RYR3: variants seen among roughly 807,000 people sequenced by gnomAD.
RYR3 encodes the protein brain ryanodine receptor-calcium release channel.
Under a neutral mutation model 584.3 loss-of-function variants are expected in RYR3, and 207 were observed. That is an observed-to-expected ratio of 0.35 (90% CI 0.32 to 0.40). The LOEUF is 0.40. RYR3 is among the 10% of genes least tolerant of loss of function. The pLI, the probability that RYR3 is intolerant of heterozygous loss-of-function variation, is 1.00. For missense variants in RYR3, 5,616 were observed against 6,089.2 expected, an observed-to-expected ratio of 0.92 and a Z score of 2.59; for synonymous variants, 2,416 against 2,248.5, an observed-to-expected ratio of 1.07 and a Z score of -2.11.
intron 1 of RYR3, among the ~76,000 whole-genome samples, chr15:33,468,265 T>C (rs2048649737): frequency 6.6e-6 from 1 of 152,228 alleles, no homozygotes; most frequent in African/African-American, 2.4e-5. Flanking sequence ...TGACTGGCCA[T>C]TAAATATTCA....
At chr15:33,493,741 C>T (rs2051174530) in intron 2 of RYR3, among the ~76,000 whole-genome samples, 1 of 152,178 alleles carries the variant, frequency 6.6e-6, no homozygotes, top group Non-Finnish European at 1.5e-5. Flanking sequence ...CCAGAACAAG[C>T]TTATACATAT....
At chr15:33,477,918 A>AT (rs386782803) in intron 2 of RYR3, among the ~76,000 whole-genome samples, 1 of 144,210 alleles carries the variant, frequency 6.9e-6, no homozygotes, top group Non-Finnish European at 1.5e-5. Context: ...ACTAGGGGCT[A>AT]TTACCAGAGA....
intron 28 of RYR3, 81 bp downstream of exon 28, chr15:33,644,600 G>A: frequency 9.6e-7 from 1 of 1,046,304 alleles, no homozygotes. Flanking sequence ...CTGTCAACAG[G>A]CAGCTGCTTA....
intron 1 of RYR3, among the ~76,000 whole-genome samples, chr15:33,446,655 C>A (rs574146492): frequency 6.6e-6 from 1 of 152,190 alleles, no homozygotes; most frequent in Non-Finnish European, 1.5e-5. Context: ...CCTTAATTAT[C>A]ATTTATAAAA....
chr15:33,448,963 C>T (rs553095930), intron 1 of RYR3, among the ~76,000 whole-genome samples: 1 of 152,272 alleles, frequency 6.6e-6, no homozygotes, highest in South Asian at 2.1e-4. Flanking sequence ...CCACAAACGT[C>T]AGGTATTTGT....
intron 31 of RYR3, among the ~76,000 whole-genome samples, chr15:33,649,944 T>C (rs1203405065): frequency 6.6e-6 from 1 of 152,140 alleles, no homozygotes; most frequent in Non-Finnish European, 1.5e-5. Flanking sequence ...TCATAAGTTG[T>C]TTTTCAAGCT....
chr15:33,682,513 CT>C (rs1566943501), intron 38 of RYR3, among the ~76,000 whole-genome samples: 2 of 152,094 alleles, frequency 1.3e-5, no homozygotes, highest in African/African-American at 4.8e-5. Flanking sequence ...GTGACTACCC[CT>C]AATTACGCTA....
chr15:33,317,575 A>G (rs1002097456), intron 1 of RYR3, among the ~76,000 whole-genome samples: 8 of 152,270 alleles, frequency 5.3e-5, no homozygotes, highest in Non-Finnish European at 1.2e-4. Context: ...ATTCAGAGAG[A>G]GGGAAGAAAA....
chr15:33,507,924 G>C (rs2052615783), intron 3 of RYR3, among the ~76,000 whole-genome samples: 2 of 152,154 alleles, frequency 1.3e-5, no homozygotes, highest in African/African-American at 4.8e-5. Flanking sequence ...TGGTTCCTCT[G>C]TTCATCCCTG....
At chr15:33,556,541 G>A (rs1033110928) in intron 10 of RYR3, among the ~76,000 whole-genome samples, 2 of 152,186 alleles carry the variant, frequency 1.3e-5, no homozygotes, top group Non-Finnish European at 2.9e-5. Context: ...ACTAACAAGA[G>A]CTTATACGAT....
At chr15:33,693,461 G>A (rs2065599832) in intron 38 of RYR3, among the ~76,000 whole-genome samples, 1 of 152,248 alleles carries the variant, frequency 6.6e-6, no homozygotes, top group Non-Finnish European at 1.5e-5. Context: ...GCACACCAAA[G>A]GAGACAAAGC....
intron 28 of RYR3, among the ~76,000 whole-genome samples, chr15:33,645,466 C>T (rs2062049098): frequency 6.6e-6 from 1 of 152,146 alleles, no homozygotes; most frequent in Non-Finnish European, 1.5e-5. Flanking sequence ...CCTTAATGCC[C>T]CACTTTCTTC....
At chr15:33,543,763 G>A (rs1567495723) in intron 8 of RYR3, 48 bp downstream of exon 8, 1 of 1,174,850 alleles carries the variant, frequency 8.5e-7, no homozygotes, top group African/African-American at 1.5e-5. Context: ...AGTCTCAAAT[G>A]ACTCAAACTA....
chr15:33,854,622 TAGC>T (rs1160596949), intron 97 of RYR3, 141 bp from the exon 98 acceptor site: 1 of 1,150,778 alleles, frequency 8.7e-7, no homozygotes, highest in Non-Finnish European at 1.2e-6. Context: ...GGGGCTCACT[TAGC>T]AGATCTTGGG....
intron 61 of RYR3, 119 bp from the exon 62 acceptor site, chr15:33,768,993 G>A: frequency 1.2e-6 from 1 of 805,506 alleles, no homozygotes. Context: ...ACAGGCCCAG[G>A]ACTTTATGTG....
chr15:33,445,821 G>T (rs2046607862), intron 1 of RYR3, among the ~76,000 whole-genome samples: 4 of 151,712 alleles, frequency 2.6e-5, no homozygotes, highest in Admixed American at 2.6e-4. Flanking sequence ...ATTAGGTACT[G>T]GATTTGTACA....
At chr15:33,778,026 C>T (rs754643654) in intron 64 of RYR3, among the ~76,000 whole-genome samples, 6 of 152,096 alleles carry the variant, frequency 3.9e-5, no homozygotes, top group East Asian at 3.9e-4. Context: ...AAAAATTAGT[C>T]GGGTGTGGTG....
intron 94 of RYR3, among the ~76,000 whole-genome samples, chr15:33,848,644 T>C (rs2078879626): frequency 6.6e-6 from 1 of 152,192 alleles, no homozygotes; most frequent in South Asian, 2.1e-4. Context: ...AAGTACTGAA[T>C]ATATTTGATT....
chr15:33,468,230 G>T (rs1180259070), intron 1 of RYR3, among the ~76,000 whole-genome samples: 1 of 152,162 alleles, frequency 6.6e-6, no homozygotes, highest in Admixed American at 6.5e-5. Flanking sequence ...ATTAAACTGA[G>T]ATGCTATAAC....
Sources: allele counts gnomAD v4.1 joint callset (sites outside exome capture counted in the v4.1 genomes callset), GRCh38; gene constraint gnomAD v4.1.1; transcripts MANE v1.5; gene names NCBI Gene and HGNC (gene_info 2026-07-23, HGNC 2026-07-21).